The following SLC24A2 variants were observed in gnomAD, a reference collection of about 807,000 sequenced individuals.
SLC24A2 encodes solute carrier family 24 member 2.
Under a neutral mutation model 62.0 loss-of-function variants are expected in SLC24A2, and 36 were observed. The observed-to-expected ratio is 0.58, with a 90% CI of 0.44 to 0.77. The LOEUF is 0.77. Ranked by LOEUF, SLC24A2 falls within the 30% of genes least tolerant of loss-of-function variation. The pLI is 0.00. For missense variants in SLC24A2, 846 were observed against 817.9 expected (o/e 1.03, Z -0.42); for synonymous variants, 358 against 294.0 (o/e 1.22, Z -2.23).
At chr9:19,568,097 C>G (rs755626660) in intron 7 of SLC24A2, among the ~76,000 whole-genome samples, 1 of 152,274 alleles carries the variant, frequency 6.6e-6, no homozygotes, top group Middle Eastern at 3.4e-3. Context: ...ATGCGCACCT[C>G]ACTCTTAACG....
chr9:19,899,417 T>C, the SLC24A2 span, among the ~76,000 whole-genome samples: 1 of 152,204 alleles, frequency 6.6e-6, no homozygotes, highest in Non-Finnish European at 1.5e-5. Flanking sequence ...TTCCTGAGTC[T>C]TGAATGCAGA....
intron 2 of SLC24A2, among the ~76,000 whole-genome samples, chr9:19,719,201 C>T (rs937635245): frequency 2.0e-5 from 3 of 152,166 alleles, no homozygotes; most frequent in Non-Finnish European, 4.4e-5. Context: ...ACACTCTTTT[C>T]CTTGGTTACT....
the SLC24A2 span, among the ~76,000 whole-genome samples, chr9:19,861,382 G>T: frequency 2.2e-4 from 34 of 152,326 alleles, no homozygotes; most frequent in African/African-American, 8.2e-4. Flanking sequence ...GCACTACTGG[G>T]CTTGGGGTCC....
At chr9:19,517,910 A>AACACACACACACACACACAC (rs56840950) in intron 10 of SLC24A2, among the ~76,000 whole-genome samples, 1 of 131,630 alleles carries the variant, frequency 7.6e-6, no homozygotes, top group African/African-American at 2.8e-5. Context: ...TTCTTATTAA[A>AACACACACACACACACACAC]ACACACACAC....
At chr9:19,598,459 A>G (rs1489875065) in intron 4 of SLC24A2, among the ~76,000 whole-genome samples, 1 of 152,224 alleles carries the variant, frequency 6.6e-6, no homozygotes, top group African/African-American at 2.4e-5. Flanking sequence ...TCATGTGCCT[A>G]GATTTCTATC....
At chr9:20,252,496 C>T in the SLC24A2 span, among the ~76,000 whole-genome samples, 1 of 152,156 alleles carries the variant, frequency 6.6e-6, no homozygotes, top group East Asian at 1.9e-4. Flanking sequence ...CACCACGTGA[C>T]TTTCACTATA....
rs1554665755 is a variant in SLC24A2 at position 19,513,184 on chromosome 9, A to ATATATATATATATATATATG, written c.*2968_*2969insCATATATATATATATATATA. 2.1e-5 allele frequency: 2 copies of ATATATATATATATATATATG among 93,426 alleles called. No individual in the cohort carries two copies. The highest frequency in any genetic ancestry group is 8.1e-5 in the African/African-American group (2 of 24,636). The allele number at this position is 93,426 out of a possible 1,614,324, so 5.8% of individuals were successfully genotyped here. On this transcript the variant is annotated 3_prime_UTR_variant, in exon 11 of 11. Coordinates refer to ENST00000341998, the MANE Select transcript of SLC24A2 (RefSeq NM_020344.4). Reference sequence around the variant, plus strand: ...TATATATATATATATATGTATATATATATATATGTATATATTTATATATGT... The same window carrying ATATATATATATATATATATG: ...TATATATATATATATATGTATATATATATATATATATATATATATGTATATATGTATATATTTATATATGT...
chr9:20,099,705 C>A, the SLC24A2 span, among the ~76,000 whole-genome samples: 1 of 152,164 alleles, frequency 6.6e-6, no homozygotes, highest in South Asian at 2.1e-4. Flanking sequence ...ATAGTTTTTC[C>A]TGCCTCCAAA....
intron 4 of SLC24A2, among the ~76,000 whole-genome samples, chr9:19,610,944 T>C (rs1156871802): frequency 1.3e-5 from 2 of 152,142 alleles, no homozygotes; most frequent in Non-Finnish European, 2.9e-5. Flanking sequence ...TCCTGCTCTG[T>C]TGGAGGAATA....
chr9:19,960,348 T>G, the SLC24A2 span, among the ~76,000 whole-genome samples: 2 of 152,212 alleles, frequency 1.3e-5, no homozygotes, highest in African/African-American at 4.8e-5. Context: ...TTCTATTCTA[T>G]TCTATTTCTT....
chr9:19,952,658 A>ATT, the SLC24A2 span, among the ~76,000 whole-genome samples: 6 of 130,604 alleles, frequency 4.6e-5, no homozygotes, highest in East Asian at 4.4e-4. Context: ...TTTGCCAAGC[A>ATT]TTTTTTTTTT....
chr9:20,073,857 T>C, the SLC24A2 span, among the ~76,000 whole-genome samples: 83 of 136,408 alleles, frequency 6.1e-4, no homozygotes, highest in African/African-American at 2.3e-3. Context: ...TGTGTATATT[T>C]GTGTGTGTAT....
chr9:20,157,151 AAC>A, the SLC24A2 span, among the ~76,000 whole-genome samples: 1 of 151,734 alleles, frequency 6.6e-6, no homozygotes, highest in African/African-American at 2.4e-5. Context: ...ACACAGAAGA[AAC>A]ACAAAACACA....
chr9:20,044,454 T>A, the SLC24A2 span, among the ~76,000 whole-genome samples: 2 of 152,284 alleles, frequency 1.3e-5, no homozygotes, highest in African/African-American at 2.4e-5. Context: ...GCAGGGAGGA[T>A]GTTTAGTTTC....
chr9:20,073,938 A>G, the SLC24A2 span, among the ~76,000 whole-genome samples: 14 of 148,058 alleles, frequency 9.5e-5, no homozygotes, highest in African/African-American at 3.0e-4. Flanking sequence ...ATATATATAT[A>G]TATGTATGTA....
the SLC24A2 span, among the ~76,000 whole-genome samples, chr9:19,879,130 T>C: frequency 5.3e-5 from 8 of 152,294 alleles, no homozygotes; most frequent in Non-Finnish European, 1.2e-4. Context: ...CTCCCACCTC[T>C]GTCCCTTCCT....
intron 4 of SLC24A2, among the ~76,000 whole-genome samples, chr9:19,598,426 T>C (rs1221852002): frequency 6.6e-6 from 1 of 152,216 alleles, no homozygotes; most frequent in African/African-American, 2.4e-5. Flanking sequence ...CATATTTGTA[T>C]GATACATCAT....
intron 7 of SLC24A2, among the ~76,000 whole-genome samples, chr9:19,551,984 A>T (rs1487894842): frequency 6.6e-6 from 1 of 152,216 alleles, no homozygotes; most frequent in African/African-American, 2.4e-5. Flanking sequence ...GGGTAAAAGA[A>T]TTTGTAAACA....
the SLC24A2 span, among the ~76,000 whole-genome samples, chr9:20,012,373 T>C: frequency 1.3e-5 from 2 of 152,132 alleles, no homozygotes; most frequent in African/African-American, 4.8e-5. Flanking sequence ...TTCACCATCA[T>C]GAGAACAGCG....
Sources: allele counts gnomAD v4.1 joint callset (sites outside exome capture counted in the v4.1 genomes callset), GRCh38; gene constraint gnomAD v4.1.1; transcripts MANE v1.5; gene names NCBI Gene and HGNC (gene_info 2026-07-23, HGNC 2026-07-21).